SUSD6: variants seen among roughly 807,000 people sequenced by gnomAD.
SUSD6 encodes the protein sushi domain containing 6, also known as sushi domain-containing protein 6.
A neutral mutation model predicts 28.4 loss-of-function variants in SUSD6; 16 were observed. The ratio of observed to expected loss-of-function variants is 0.56; its 90% confidence interval spans 0.38 to 0.86. The LOEUF (loss-of-function observed/expected upper bound fraction) is 0.86, where lower values mean the gene tolerates loss of function less well. Among genes scored for constraint, SUSD6 ranks in the 40% least tolerant of loss-of-function variants. The pLI, the probability that SUSD6 is intolerant of heterozygous loss-of-function variation, is 0.00. For synonymous variants in SUSD6, 147 were observed against 159.6 expected, an observed-to-expected ratio of 0.92 and a Z score of 0.59; for missense variants, 341 against 384.2, an observed-to-expected ratio of 0.89 and a Z score of 0.94.
chr14:69,691,891 T>G (rs1338667469), intron 2 of SUSD6, among the ~76,000 whole-genome samples: 1 of 151,990 alleles, frequency 6.6e-6, no homozygotes, highest in Non-Finnish European at 1.5e-5. Context: ...ATACAAAAAT[T>G]AGCCCGGTGT....
At chr14:69,626,004 A>G (rs1885109177) in intron 1 of SUSD6, among the ~76,000 whole-genome samples, 1 of 151,832 alleles carries the variant, frequency 6.6e-6, no homozygotes. Flanking sequence ...TGCTCCCAGA[A>G]CAATCTGCCT....
At chr14:69,663,263 T>C (rs1885688877) in intron 2 of SUSD6, among the ~76,000 whole-genome samples, 1 of 152,258 alleles carries the variant, frequency 6.6e-6, no homozygotes, top group African/African-American at 2.4e-5. Flanking sequence ...TTTACTTGTT[T>C]CTGATTTTTT....
intron 2 of SUSD6, among the ~76,000 whole-genome samples, chr14:69,701,343 C>T (rs893026922): frequency 1.9e-4 from 29 of 152,108 alleles, no homozygotes; most frequent in African/African-American, 7.0e-4. Flanking sequence ...AGCTCTTCCC[C>T]TGAGACTGTC....
In SUSD6 at chr14:69,708,992, T is replaced by C. The variant is rs929501513; in HGVS notation, c.774T>C (p.Ser258=). Reference sequence around the variant, plus strand: ...TGATGGTGCATCAGGCAACCACCTCTTCCTGGGTGGCCGGCTCAGGGAACC... The same window carrying C: ...TGATGGTGCATCAGGCAACCACCTCCTCCTGGGTGGCCGGCTCAGGGAACC... The part of the protein sequence containing the change: ...ETVMVHQATT[S]SWVAGSGNRQ... The change falls in exon 5 of 6, where the codon TCT becomes TCC. Residue 258 remains serine (S), a synonymous_variant. Transcript: ENST00000342745. 23 of 1,614,012 alleles carry C rather than the reference T, an allele frequency of 1.4e-5. No homozygotes were observed. The highest frequency in any genetic ancestry group is 1.9e-5 in the Non-Finnish European group (22 of 1,180,032).
chr14:69,627,457 A>G (rs1034336252), intron 1 of SUSD6, among the ~76,000 whole-genome samples: 1 of 152,176 alleles, frequency 6.6e-6, no homozygotes, highest in Non-Finnish European at 1.5e-5. Flanking sequence ...CTTATCAGAA[A>G]TTAAACAGAT....
At chr14:69,687,124 GCCA>G (rs1312774684) in intron 2 of SUSD6, among the ~76,000 whole-genome samples, 6 of 152,044 alleles carry the variant, frequency 3.9e-5, no homozygotes, top group Admixed American at 2.0e-4. Flanking sequence ...ACAGGCACCC[GCCA>G]CCACACCTGG....
chr14:69,673,347 A>G (rs970571640), intron 2 of SUSD6, among the ~76,000 whole-genome samples: 2 of 152,186 alleles, frequency 1.3e-5, no homozygotes, highest in African/African-American at 4.8e-5. Flanking sequence ...TCCCTAAAGA[A>G]GAACTTGGTA....
intron 2 of SUSD6, among the ~76,000 whole-genome samples, chr14:69,697,441 T>A (rs926051449): frequency 6.6e-6 from 1 of 152,192 alleles, no homozygotes; most frequent in African/African-American, 2.4e-5. Context: ...CAGATGCCTC[T>A]TATATAAGTG....
At chr14:69,679,382 A>G (rs1457595960) in intron 2 of SUSD6, among the ~76,000 whole-genome samples, 1 of 152,216 alleles carries the variant, frequency 6.6e-6, no homozygotes, top group Non-Finnish European at 1.5e-5. Flanking sequence ...TTATTTTAAA[A>G]TGAATTATAA....
At chr14:69,661,076 C>T (rs1885654757) in intron 2 of SUSD6, among the ~76,000 whole-genome samples, 1 of 152,184 alleles carries the variant, frequency 6.6e-6, no homozygotes, top group African/African-American at 2.4e-5. Context: ...GCACTTGCTG[C>T]CCAGAATCTC....
intron 2 of SUSD6, among the ~76,000 whole-genome samples, chr14:69,664,606 C>T (rs544848711): frequency 5.9e-5 from 9 of 152,126 alleles, no homozygotes; most frequent in Non-Finnish European, 8.8e-5. Context: ...AGAAATTACC[C>T]TCTGCACACT....
chr14:69,692,032 C>G (rs1388831777), intron 2 of SUSD6, among the ~76,000 whole-genome samples: 2 of 146,472 alleles, frequency 1.4e-5, no homozygotes, highest in Non-Finnish European at 3.0e-5. Flanking sequence ...GAGTGAGACT[C>G]CGTCTCAAAA....
Position 69,714,907 on chromosome 14 carries a change from A to G in SUSD6, c.*3928A>G, listed in dbSNP as rs902208034. On this transcript the variant is annotated 3_prime_UTR_variant, in exon 6 of 6. Transcript: ENST00000342745. ...GCACCACTATGGAATCCTTTGCAGA[A>G]TGGTACTCATATAATGGTTTAAAAC... is the stretch of plus-strand genomic sequence containing the variant. The G allele has an allele frequency of 2.0e-5, 3 of 152,202 alleles. No homozygotes were observed. The highest frequency in any genetic ancestry group is 7.2e-5 in the African/African-American group (3 of 41,454). The allele number at this position is 152,202 out of a possible 1,614,324, so 9.4% of individuals were successfully genotyped here. A position where few individuals can be genotyped will look rare whatever the true frequency, so the allele number is the denominator to read the frequency against.
chr14:69,708,076 T>C (rs1241610289), intron 4 of SUSD6, among the ~76,000 whole-genome samples: 1 of 152,230 alleles, frequency 6.6e-6, no homozygotes, highest in Non-Finnish European at 1.5e-5. Context: ...TTAAAAAGTT[T>C]ACAAACTTTT....
chr14:69,680,090 C>T (rs1293311366), intron 2 of SUSD6, among the ~76,000 whole-genome samples: 1 of 152,154 alleles, frequency 6.6e-6, no homozygotes, highest in Non-Finnish European at 1.5e-5. Flanking sequence ...GCAGTCTCTC[C>T]TTAAGAATGG....
chr14:69,636,444 A>T (rs570459441), intron 1 of SUSD6, among the ~76,000 whole-genome samples: 42 of 152,338 alleles, frequency 2.8e-4, no homozygotes, highest in African/African-American at 9.9e-4. Context: ...CCTGAGGAAG[A>T]GGGTGGGAGA....
At position 69,663,696 on chromosome 14, in the gene SUSD6, A is replaced by G. The variant is rs535573539; in HGVS notation, c.121+4983A>G. 2.0e-5 allele frequency among the ~76,000 whole-genome samples: 3 copies of G among 152,374 alleles called. No homozygotes were observed. In the East Asian group the frequency reaches 5.8e-4, roughly 29 times the overall value. ...AGAAACTGAACCAGAGACAGGTTCA[A>G]TAACTTGTTCAGAAACTGATGATTT... On this transcript the variant is annotated intron_variant, in intron 2 of 5. Coordinates refer to ENST00000342745, the MANE Select transcript of SUSD6 (RefSeq NM_014734.4).
intron 2 of SUSD6, among the ~76,000 whole-genome samples, chr14:69,668,786 G>C (rs1328643504): frequency 6.6e-6 from 1 of 152,080 alleles, no homozygotes; most frequent in Non-Finnish European, 1.5e-5. Context: ...CGATCCCCTT[G>C]ATGGTGAGCT....
At chr14:69,688,456 C>A (rs762545130) in intron 2 of SUSD6, among the ~76,000 whole-genome samples, 7 of 152,196 alleles carry the variant, frequency 4.6e-5, no homozygotes, top group Non-Finnish European at 8.8e-5. Context: ...GACCTGTGAC[C>A]CCAGCTGTTA....
Sources: gnomAD v4.1 joint callset for allele counts (sites outside exome capture counted in the v4.1 genomes callset) on GRCh38, gnomAD v4.1.1 for gene constraint, MANE v1.5 for transcripts, NCBI Gene and HGNC (gene_info 2026-07-23, HGNC 2026-07-21) for gene names.